The following BACH2 variants were observed in gnomAD, a reference collection of about 807,000 sequenced individuals.
BACH2 encodes the protein BACH transcriptional regulator 2.
Under a neutral mutation model 61.8 loss-of-function variants are expected in BACH2, and 5 were observed. The observed-to-expected ratio is 0.08, with a 90% CI of 0.04 to 0.17. The LOEUF (loss-of-function observed/expected upper bound fraction) is 0.17. Ranked by LOEUF, BACH2 falls within the 10% of genes least tolerant of loss-of-function variation. The pLI is 1.00. For missense variants in BACH2, 824 were observed against 1,091.1 expected (o/e 0.76, Z 3.45); for synonymous variants, 446 against 440.1 (o/e 1.01, Z -0.17).
In BACH2 at chr6:90,223,244, C is replaced by T. The variant is rs57044013; in HGVS notation, c.-274-16563G>A. On this transcript the variant is annotated intron_variant, in intron 3 of 8. Coordinates refer to ENST00000257749, the MANE Select transcript of BACH2 (RefSeq NM_021813.4). ...TGAGTACCCACCACATGTTAGGCAA[C>T]GCTGGGCACTGGGGAAGCAAAGCTA... 3.6e-3 allele frequency among the ~76,000 whole-genome samples: 543 copies of T among 152,296 alleles called. 1 individual carries two copies. The highest frequency in any genetic ancestry group is 0.012 in the African/African-American group (517 of 41,564).
intron 3 of BACH2, among the ~76,000 whole-genome samples, chr6:90,234,954 C>T (rs1308626828): frequency 6.6e-6 from 1 of 152,190 alleles, no homozygotes; most frequent in Non-Finnish European, 1.5e-5. Flanking sequence ...CCATCATTGG[C>T]TCCCCTTCCT....
chr6:90,161,200 T>C (rs1785180520), intron 4 of BACH2, among the ~76,000 whole-genome samples: 1 of 152,022 alleles, frequency 6.6e-6, no homozygotes. Flanking sequence ...TTTTAGGCAC[T>C]GTGCCCCAAA....
At chr6:90,132,544 T>C (rs1375709727) in intron 4 of BACH2, among the ~76,000 whole-genome samples, 1 of 152,214 alleles carries the variant, frequency 6.6e-6, no homozygotes, top group African/African-American at 2.4e-5. Flanking sequence ...AGATTACTCC[T>C]TTGATATGTG....
intron 5 of BACH2, among the ~76,000 whole-genome samples, chr6:90,031,093 A>G (rs1433199050): frequency 6.6e-6 from 1 of 151,854 alleles, no homozygotes; most frequent in African/African-American, 2.4e-5. Context: ...AACAGAACCA[A>G]TGACAAAAAC....
At chr6:90,179,829 G>C (rs1312356804) in intron 4 of BACH2, among the ~76,000 whole-genome samples, 2 of 152,122 alleles carry the variant, frequency 1.3e-5, no homozygotes, top group Admixed American at 6.5e-5. Flanking sequence ...CAATGCCATA[G>C]AACTAATAGC....
At chr6:90,145,388 G>A (rs1188214439) in intron 4 of BACH2, among the ~76,000 whole-genome samples, 1 of 152,224 alleles carries the variant, frequency 6.6e-6, no homozygotes, top group Non-Finnish European at 1.5e-5. Flanking sequence ...CTGCAATCTT[G>A]TTCAAGTGCT....
chr6:89,955,244 G>A (rs747958179), intron 6 of BACH2, among the ~76,000 whole-genome samples: 3 of 152,226 alleles, frequency 2.0e-5, no homozygotes, highest in Admixed American at 6.5e-5. Flanking sequence ...CTAGTGGTGT[G>A]AGGGAAGGAT....
intron 6 of BACH2, among the ~76,000 whole-genome samples, chr6:89,972,668 G>C (rs1373670932): frequency 6.6e-6 from 1 of 152,142 alleles, no homozygotes. Flanking sequence ...GGACACCTTT[G>C]ATGTCAGTCT....
chr6:90,109,573 T>A (rs1419752953), intron 4 of BACH2, among the ~76,000 whole-genome samples: 1 of 152,194 alleles, frequency 6.6e-6, no homozygotes, highest in Non-Finnish European at 1.5e-5. Context: ...AATTTCCATA[T>A]CCAATTTCCT....
chr6:89,961,397 C>T (rs1020435208), intron 6 of BACH2, among the ~76,000 whole-genome samples: 1 of 151,974 alleles, frequency 6.6e-6, no homozygotes, highest in Non-Finnish European at 1.5e-5. Context: ...TGGTTTCATT[C>T]GAAAAACTGC....
intron 5 of BACH2, among the ~76,000 whole-genome samples, chr6:90,054,481 G>A (rs949099878): frequency 2.6e-5 from 4 of 152,174 alleles, no homozygotes; most frequent in African/African-American, 7.2e-5. Flanking sequence ...AGGGAAGCTC[G>A]AACTGGGTGG....
intron 5 of BACH2, among the ~76,000 whole-genome samples, chr6:90,063,506 G>T (rs1234690204): frequency 2.6e-5 from 4 of 152,090 alleles, no homozygotes; most frequent in African/African-American, 9.7e-5. Flanking sequence ...GCTATAAAAA[G>T]AAAGAAAAAG....
chr6:90,159,982 G>A (rs570344791), intron 4 of BACH2, among the ~76,000 whole-genome samples: 19 of 152,312 alleles, frequency 1.2e-4, no homozygotes, highest in Admixed American at 4.6e-4. Flanking sequence ...AGCTTTCAAA[G>A]TATGTATGCT....
intron 7 of BACH2, among the ~76,000 whole-genome samples, chr6:89,947,268 G>C (rs1384543609): frequency 1.3e-5 from 2 of 152,142 alleles, no homozygotes; most frequent in Non-Finnish European, 2.9e-5. Context: ...TTGTGGAGAA[G>C]GATCTGCCTT....
chr6:90,278,456 G>A (rs575256568), intron 1 of BACH2, among the ~76,000 whole-genome samples: 5 of 152,264 alleles, frequency 3.3e-5, no homozygotes, highest in African/African-American at 7.2e-5. Flanking sequence ...TGCCTCAACC[G>A]TCTGTTTGCA....
chr6:90,091,989 GACCAGAGCT>G (rs1250195300), intron 4 of BACH2, among the ~76,000 whole-genome samples: 2 of 151,902 alleles, frequency 1.3e-5, no homozygotes, highest in African/African-American at 4.8e-5. Flanking sequence ...TTTCTAAGCA[GACCAGAGCT>G]ACAGGGAGTG....
chr6:89,972,480 C>G (rs1215320189), intron 6 of BACH2, among the ~76,000 whole-genome samples: 1 of 152,156 alleles, frequency 6.6e-6, no homozygotes, highest in Non-Finnish European at 1.5e-5. Context: ...AAGCCACAAC[C>G]TGGATACCCC....
At chr6:90,186,693 C>T (rs951197457) in intron 4 of BACH2, among the ~76,000 whole-genome samples, 1 of 152,274 alleles carries the variant, frequency 6.6e-6, no homozygotes. Flanking sequence ...GCCCCCGTGA[C>T]AATGGTAGCA....
intron 3 of BACH2, among the ~76,000 whole-genome samples, chr6:90,243,508 A>G (rs1770527545): frequency 6.6e-6 from 1 of 152,146 alleles, no homozygotes; most frequent in African/African-American, 2.4e-5. Context: ...TTAGATCACA[A>G]AAGTTTTGTC....
Sources: gnomAD v4.1 joint callset for allele counts (sites outside exome capture counted in the v4.1 genomes callset) on GRCh38, gnomAD v4.1.1 for gene constraint, MANE v1.5 for transcripts, NCBI Gene and HGNC (gene_info 2026-07-23, HGNC 2026-07-21) for gene names.